Variants in SOHLH2 observed in about 807,000 individuals in gnomAD.
SOHLH2 encodes the protein spermatogenesis- and oogenesis-specific basic helix-loop-helix-containing protein 2.
In SOHLH2, 22 loss-of-function variants were observed where a neutral mutation model predicts 50.4. The ratio of observed to expected loss-of-function variants is 0.44; its 90% CI spans 0.31 to 0.62. SOHLH2 has a LOEUF of 0.62. SOHLH2 is among the 20% of genes least tolerant of loss of function. SOHLH2 has a pLI of 0.08. For synonymous variants in SOHLH2, 185 were observed against 187.3 expected (o/e 0.99, Z 0.10); for missense variants, 412 against 504.4 (o/e 0.82, Z 1.76).
At chr13:36,204,470 A>C (rs918585081) in intron 1 of SOHLH2, among the ~76,000 whole-genome samples, 16 of 152,144 alleles carry the variant, frequency 1.1e-4, no homozygotes, top group African/African-American at 3.6e-4. Context: ...GATGAATATG[A>C]GGTAGGTATC....
At chr13:36,202,670 C>T (rs766334295) in intron 1 of SOHLH2, among the ~76,000 whole-genome samples, 4 of 152,182 alleles carry the variant, frequency 2.6e-5, no homozygotes, top group Non-Finnish European at 5.9e-5. Flanking sequence ...AAAGAGCATT[C>T]CCAACTTCAT....
rs746966697 is a variant in SOHLH2, at chr13:36,173,678, TAGG to T, written c.1000+11_1000+13del. 1.4e-5 allele frequency: 22 copies of T among 1,612,324 alleles called. No individual in the cohort carries two copies. The East Asian group carries it at 4.9e-4, about 36-fold the overall frequency. On this transcript the variant is annotated intron_variant, in intron 9 of 10. Transcript: ENST00000379881. ...GTCCCCCTCTAAGTGGCACAGATGC[TAGG>T]AGAAGCTCACCTCTCACAGCTTCAT...
At position 36,174,797 on chromosome 13, in the gene SOHLH2, C is replaced by T. The variant is rs374981529; in HGVS notation, c.714G>A (p.Ala238=). ...CAACTGTTGCCTCAAGAACTGAAGC[C>T]GCATCATTCTTTCTCCCTTTTACAT... is the stretch of plus-strand genomic sequence containing the variant. ...LPYVKGRKND[A]ASVLEATVDY... The change falls in exon 7 of 11, where the codon GCG becomes GCA. Residue 238 remains alanine, a synonymous_variant. Coordinates refer to ENST00000379881, the MANE Select transcript of SOHLH2 (RefSeq NM_017826.3). 2.4e-5 allele frequency: 39 copies of T among 1,611,886 alleles called. No homozygotes were observed. Among genetic ancestry groups the T allele is most frequent in the African/African-American group, 4.0e-5 (3 of 74,842 alleles).
chr13:36,205,759 G>A (rs1868721459), intron 1 of SOHLH2, among the ~76,000 whole-genome samples: 1 of 152,000 alleles, frequency 6.6e-6, no homozygotes, highest in East Asian at 1.9e-4. Flanking sequence ...CTATGGTCTT[G>A]AATAGTTTAT....
intron 1 of SOHLH2, among the ~76,000 whole-genome samples, chr13:36,203,057 C>T (rs1868520999): frequency 6.6e-6 from 1 of 152,196 alleles, no homozygotes; most frequent in Non-Finnish European, 1.5e-5. Flanking sequence ...CTTCCACCTG[C>T]TCACCTAATT....
At chr13:36,184,350 G>A (rs1238897761) in intron 6 of SOHLH2, among the ~76,000 whole-genome samples, 1 of 151,694 alleles carries the variant, frequency 6.6e-6, no homozygotes, top group Admixed American at 6.6e-5. Flanking sequence ...TGCAGCTGAA[G>A]CAATGCTTAG....
intron 6 of SOHLH2, among the ~76,000 whole-genome samples, chr13:36,177,781 G>T (rs1209671886): frequency 2.6e-5 from 4 of 151,870 alleles, no homozygotes; most frequent in African/African-American, 7.3e-5. Context: ...TTATTTTTTA[G>T]TTTTAGCAAT....
intron 9 of SOHLH2, among the ~76,000 whole-genome samples, chr13:36,172,627 T>C (rs1426501919): frequency 2.0e-5 from 3 of 152,400 alleles, no homozygotes; most frequent in East Asian, 3.9e-4. Flanking sequence ...TGACCCTTTC[T>C]ACCACTAAGT....
intron 5 of SOHLH2, 109 bp downstream of exon 5, chr13:36,191,686 G>T: frequency 7.8e-7 from 1 of 1,284,984 alleles, no homozygotes; most frequent in Non-Finnish European, 1.1e-6. Flanking sequence ...CACAGTGCCA[G>T]CTCAGGATTC....
intron 4 of SOHLH2, among the ~76,000 whole-genome samples, chr13:36,192,852 A>G (rs151219110): frequency 5.4e-4 from 82 of 152,292 alleles, no homozygotes; most frequent in African/African-American, 1.9e-3. Flanking sequence ...CTATAGTCAC[A>G]CTGTGTATAT....
At chr13:36,185,883 C>T (rs1003493050) in intron 6 of SOHLH2, among the ~76,000 whole-genome samples, 1 of 152,102 alleles carries the variant, frequency 6.6e-6, no homozygotes, top group Middle Eastern at 3.4e-3. Context: ...TTAAAATTTT[C>T]CCACGAAGAA....
At chr13:36,194,565 TG>T (rs1887669024) in intron 2 of SOHLH2, among the ~76,000 whole-genome samples, 1 of 152,168 alleles carries the variant, frequency 6.6e-6, no homozygotes, top group African/African-American at 2.4e-5. Flanking sequence ...ACATTATGGG[TG>T]TATTATTATA....
intron 6 of SOHLH2, among the ~76,000 whole-genome samples, chr13:36,189,502 T>C (rs1887515774): frequency 6.6e-6 from 1 of 152,184 alleles, no homozygotes; most frequent in Non-Finnish European, 1.5e-5. Flanking sequence ...TACCCTTCCC[T>C]GATTTCCAAA....
Position 36,170,657 on chromosome 13 carries a change from T to G in SOHLH2, c.1131A>C (p.Ala377=). 1.9e-6 allele frequency: 3 copies of G among 1,614,180 alleles called. No individual in the cohort carries two copies. The highest frequency in any genetic ancestry group is 1.1e-5 in the South Asian group (1 of 91,076). Residue 377 remains alanine, a synonymous_variant, in exon 10 of 11, where the codon GCA becomes GCC. Coordinates refer to ENST00000379881, the MANE Select transcript of SOHLH2 (RefSeq NM_017826.3). Reference sequence around the variant, plus strand: ...AAATGTTCTGATTTGTTACAGCAGTTGCATCGTAGGAAGGGGTGACTTTAG... The same window carrying G: ...AAATGTTCTGATTTGTTACAGCAGTGGCATCGTAGGAAGGGGTGACTTTAG... ...YYSKVTPSYD[A]TAVTNQNISI...
At chr13:36,195,066 C>T (rs987004537) in intron 2 of SOHLH2, among the ~76,000 whole-genome samples, 5 of 152,108 alleles carry the variant, frequency 3.3e-5, no homozygotes, top group African/African-American at 1.2e-4. Context: ...GACAAGGTTC[C>T]TGCTCTCACA....
At chr13:36,200,910 G>A (rs550003842) in intron 2 of SOHLH2, among the ~76,000 whole-genome samples, 4 of 151,846 alleles carry the variant, frequency 2.6e-5, no homozygotes, top group South Asian at 2.1e-4. Context: ...TTAGCCAGGC[G>A]TGGTGGCACC....
chr13:36,186,862 C>G (rs1250293620), intron 6 of SOHLH2, among the ~76,000 whole-genome samples: 1 of 152,116 alleles, frequency 6.6e-6, no homozygotes, highest in South Asian at 2.1e-4. Flanking sequence ...TAGCAAACAT[C>G]ATGTTGCCCT....
chr13:36,173,613 G>A (rs574764732), intron 9 of SOHLH2, 79 bp downstream of exon 9: 1 of 1,535,654 alleles, frequency 6.5e-7, no homozygotes, highest in African/African-American at 1.4e-5. Flanking sequence ...GGTTATGGTG[G>A]TGAATGCACA....
intron 8 of SOHLH2, among the ~76,000 whole-genome samples, 199 bp downstream of exon 8, chr13:36,174,270 CATGATGA>C (rs778474280): frequency 3.3e-5 from 5 of 152,126 alleles, no homozygotes; most frequent in Admixed American, 6.5e-5. Flanking sequence ...GGGTGAGTCA[CATGATGA>C]AAAAACCATG....
Sources: allele counts gnomAD v4.1 joint callset (sites outside exome capture counted in the v4.1 genomes callset), GRCh38; gene constraint gnomAD v4.1.1; transcripts MANE v1.5; gene names NCBI Gene and HGNC (gene_info 2026-07-23, HGNC 2026-07-21).